Variants in GLP1R observed in about 807,000 individuals in gnomAD.
GLP1R encodes the protein glucagon-like peptide 1 receptor.
In GLP1R, 32 loss-of-function variants were observed where a neutral mutation model predicts 68.4. The observed-to-expected ratio is 0.47, with a 90% CI of 0.35 to 0.63. The LOEUF (loss-of-function observed/expected upper bound fraction) is 0.63, where lower values mean the gene tolerates loss of function less well. Ranked by LOEUF, GLP1R falls within the 20% of genes least tolerant of loss-of-function variation. The pLI is 0.00. For missense variants in GLP1R, 502 were observed against 594.9 expected (o/e 0.84, Z 1.62); for synonymous variants, 263 against 244.4 (o/e 1.08, Z -0.71).
At position 39,073,037 on chromosome 6, in the gene GLP1R, G is replaced by A. The variant is rs200669331; in HGVS notation, c.663+22G>A. 1.6e-5 allele frequency: 25 copies of A among 1,606,232 alleles called. No homozygotes were observed. In the East Asian group the frequency reaches 2.2e-4, roughly 14 times the overall value. On this transcript the variant is annotated intron_variant, in intron 6 of 12. Transcript: ENST00000373256. ...CCAGGTGTGTGGTGCATCCAGGACC[G>A]CCTCAGGAGGGATGGGCGGTTGGAG...
intron 3 of GLP1R, among the ~76,000 whole-genome samples, chr6:39,060,185 C>G (rs1768324267): frequency 6.6e-6 from 1 of 152,158 alleles, no homozygotes; most frequent in Non-Finnish European, 1.5e-5. Flanking sequence ...GCTTCCCTGA[C>G]CCCCACCCAG....
chr6:39,071,325 G>A (rs1399934048), intron 5 of GLP1R, among the ~76,000 whole-genome samples: 23 of 130,892 alleles, frequency 1.8e-4, no homozygotes, highest in Admixed American at 1.2e-3. Context: ...CAGCTTGGGC[G>A]ACAGAGCAAG....
rs6918287 is a variant in GLP1R, at chr6:39,065,826, A to C, written c.399A>C (p.Glu133Asp). Residue 133 changes from glutamate to aspartate, a missense_variant, in exon 4 of 13, where the codon GAA becomes GAC. Glu to Asp is a conservative substitution (Grantham distance 45, BLOSUM62 2). Transcript: ENST00000373256. The part of the protein sequence containing the change: ...LSECEESKRG[E>D]RSSPEEQLLF... ...AGTGCGAGGAGTCCAAGCGAGGGGA[A>C]AGAGTGAGTTGAGGCGGGGTTCTGA... The C allele has an allele frequency of 6.3e-7, 1 of 1,590,200 alleles. No individual in the cohort carries two copies. The highest frequency in any genetic ancestry group is 8.6e-7 in the Non-Finnish European group (1 of 1,160,540).
At chr6:39,058,787 TGAG>T (rs1768282880) in intron 3 of GLP1R, among the ~76,000 whole-genome samples, 1 of 152,192 alleles carries the variant, frequency 6.6e-6, no homozygotes, top group African/African-American at 2.4e-5. Context: ...GCTGTACAGA[TGAG>T]GAAACTGAAG....
intron 3 of GLP1R, among the ~76,000 whole-genome samples, chr6:39,060,720 T>A (rs886542173): frequency 7.2e-5 from 11 of 152,204 alleles, no homozygotes; most frequent in African/African-American, 2.7e-4. Flanking sequence ...TGCTGTCCCA[T>A]GGCTCAGGCT....
At chr6:39,054,785 C>T (rs1768172372) in intron 1 of GLP1R, among the ~76,000 whole-genome samples, 1 of 152,176 alleles carries the variant, frequency 6.6e-6, no homozygotes, top group Non-Finnish European at 1.5e-5. Flanking sequence ...CCAGCAGCTG[C>T]TGCATTTAGG....
chr6:39,067,594 A>G (rs944877571), intron 5 of GLP1R, among the ~76,000 whole-genome samples: 1 of 152,170 alleles, frequency 6.6e-6, no homozygotes. Flanking sequence ...TTTTCATACT[A>G]TTGCCTTGGG....
intron 7 of GLP1R, among the ~76,000 whole-genome samples, chr6:39,077,748 T>C (rs1457479205): frequency 1.3e-5 from 2 of 152,046 alleles, no homozygotes; most frequent in Non-Finnish European, 2.9e-5. Context: ...TTGTAGCTGT[T>C]GTTATTGTAG....
intron 12 of GLP1R, among the ~76,000 whole-genome samples, chr6:39,084,766 C>A (rs1296671596): frequency 1.3e-5 from 2 of 152,216 alleles, no homozygotes; most frequent in Non-Finnish European, 2.9e-5. Context: ...CTACTCAGTG[C>A]AGAAAATGTT....
chr6:39,057,692 C>T (rs1768250665), intron 3 of GLP1R, 113 bp downstream of exon 3: 3 of 623,876 alleles, frequency 4.8e-6, no homozygotes, highest in East Asian at 6.0e-5. Flanking sequence ...CGACCTGATA[C>T]CTGCCCTGGG....
At chr6:39,081,008 A>T (rs192031243) in intron 12 of GLP1R, among the ~76,000 whole-genome samples, 262 of 152,006 alleles carry the variant, frequency 1.7e-3, no homozygotes, top group Admixed American at 3.2e-3. Flanking sequence ...TGTTAAGGGG[A>T]TCCTGAATGA....
intron 12 of GLP1R, among the ~76,000 whole-genome samples, chr6:39,082,597 C>T (rs936213337): frequency 1.2e-4 from 18 of 152,124 alleles, no homozygotes; most frequent in African/African-American, 4.3e-4. Context: ...ACTGCCATAT[C>T]CTCAAAATGA....
At position 39,089,114 on chromosome 6, in the gene GLP1R, T is replaced by A. The variant is rs1769216957; in HGVS notation, c.*3041T>A. ...AAAGTGTCATCTCCTTTGTAATTTA[T>A]ACTGGTGAGAGGAGGGGAAGGATGT... On this transcript the variant is annotated 3_prime_UTR_variant, in exon 13 of 13. Transcript: ENST00000373256. This position sits in a 1 kb window ranked among gnomAD's most constrained non-coding sequence, Gnocchi z 4.1. Among the ~76,000 whole-genome samples, 1 of 152,254 alleles carries A rather than the reference T, an allele frequency of 6.6e-6. No individual in the cohort carries two copies. Among genetic ancestry groups the A allele is most frequent in the Non-Finnish European group, 1.5e-5 (1 of 68,046 alleles).
chr6:39,064,950 C>T (rs994270464), intron 3 of GLP1R, among the ~76,000 whole-genome samples: 2 of 152,210 alleles, frequency 1.3e-5, no homozygotes, highest in Admixed American at 6.5e-5. Context: ...TTCCTCTCTC[C>T]AAGGGCTATC....
chr6:39,079,595 C>T lies in GLP1R; in HGVS notation c.1075C>T (p.Leu359=), dbSNP rs761765061. 1.9e-6 allele frequency: 3 copies of T among 1,606,144 alleles called. No individual in the cohort carries two copies. Among genetic ancestry groups the T allele is most frequent in the Non-Finnish European group, 2.5e-6 (3 of 1,176,790 alleles). ...CAAGTCCACGCTGACACTCATCCCC[C>T]TGCTGGGGACTCATGAGGTCATCTT... is the stretch of plus-strand genomic sequence containing the variant. The part of the protein sequence containing the change: ...LAKSTLTLIP[L]LGTHEVIFAF... Residue 359 remains leucine (L), a synonymous_variant, in exon 11 of 13, where the codon CTG becomes TTG. Transcript: ENST00000373256. This position sits in a 1 kb window ranked among gnomAD's most constrained non-coding sequence, Gnocchi z 4.5.
At position 39,087,734 on chromosome 6, in the gene GLP1R, CT is replaced by C. The variant is rs1393133101; in HGVS notation, c.*1663del. 2 of 152,166 alleles carry C rather than the reference CT, an allele frequency of 1.3e-5. No individual in the cohort carries two copies. Among genetic ancestry groups the C allele is most frequent in the Non-Finnish European group, 2.9e-5 (2 of 68,022 alleles). The allele number at this position is 152,166 out of a possible 1,614,324, so 9.4% of individuals were successfully genotyped here. On this transcript the variant is annotated 3_prime_UTR_variant, in exon 13 of 13. Transcript: ENST00000373256. ...ATAAAACACATCAAGTAGAAAATTT[CT>C]TATACTTCAGCTTCAGTGAAGTGTT...
intron 4 of GLP1R, 106 bp from the exon 5 acceptor site, chr6:39,066,091 A>T (rs992767671): frequency 1.5e-6 from 1 of 650,734 alleles, no homozygotes. Flanking sequence ...ATCCCCGGTG[A>T]GTCCTGACTT....
chr6:39,060,316 T>G (rs1768327840), intron 3 of GLP1R, among the ~76,000 whole-genome samples: 1 of 152,204 alleles, frequency 6.6e-6, no homozygotes, highest in African/African-American at 2.4e-5. Flanking sequence ...AAGGGAGTTA[T>G]CTCAGGCAGG....
chr6:39,069,318 C>T (rs1445686283), intron 5 of GLP1R, among the ~76,000 whole-genome samples: 1 of 152,144 alleles, frequency 6.6e-6, no homozygotes, highest in Non-Finnish European at 1.5e-5. Context: ...TGTTCACAAC[C>T]ACTTAGATAA....
Sources: gnomAD v4.1 joint callset for allele counts (sites outside exome capture counted in the v4.1 genomes callset) on GRCh38, gnomAD v4.1.1 for gene constraint, Gnocchi (gnomAD v3.1) non-coding constraint, MANE v1.5 for transcripts, NCBI Gene and HGNC (gene_info 2026-07-23, HGNC 2026-07-21) for gene names.